GRID2: variants seen among roughly 807,000 people sequenced by gnomAD.
The protein encoded by GRID2 is glutamate ionotropic receptor delta type subunit 2.
GRID2 carries 33 observed loss-of-function variants against 114.8 expected under a neutral mutation model. The ratio of observed to expected loss-of-function variants is 0.29; its 90% CI spans 0.22 to 0.38. GRID2 has a LOEUF of 0.38. GRID2 is among the 10% of genes least tolerant of loss of function. GRID2 has a pLI of 1.00. For missense variants in GRID2, 1,184 were observed against 1,257.7 expected, an observed-to-expected ratio of 0.94 and a Z score of 0.89; for synonymous variants, 505 against 449.9, an observed-to-expected ratio of 1.12 and a Z score of -1.55.
At chr4:93,479,597 G>T (rs1003568946) in intron 11 of GRID2, among the ~76,000 whole-genome samples, 3 of 152,090 alleles carry the variant, frequency 2.0e-5, no homozygotes, top group Non-Finnish European at 4.4e-5. Flanking sequence ...ATGGGGCGGG[G>T]AACTAGCATA....
intron 12 of GRID2, among the ~76,000 whole-genome samples, chr4:93,504,292 G>A (rs942649169): frequency 4.6e-5 from 7 of 151,982 alleles, no homozygotes; most frequent in Non-Finnish European, 2.9e-5. Flanking sequence ...TTGTTAGTAG[G>A]CCATATGCAA....
chr4:92,845,049 GACA>G (rs757982936), intron 2 of GRID2, among the ~76,000 whole-genome samples: 178 of 152,146 alleles, frequency 1.2e-3, no homozygotes, highest in Non-Finnish European at 1.3e-3. Flanking sequence ...TTGCTCTAAT[GACA>G]TCAGTACAAA....
chr4:92,426,664 C>A (rs763511108), intron 1 of GRID2, among the ~76,000 whole-genome samples: 1 of 152,034 alleles, frequency 6.6e-6, no homozygotes, highest in Non-Finnish European at 1.5e-5. Flanking sequence ...AGAACAAGAG[C>A]AAATATCTTT....
intron 9 of GRID2, among the ~76,000 whole-genome samples, chr4:93,420,139 T>C (rs545522929): frequency 3.3e-5 from 5 of 152,278 alleles, no homozygotes; most frequent in African/African-American, 1.2e-4. Context: ...TGAATCCTCT[T>C]ACAATTAATT....
chr4:93,306,670 C>T (rs1186735528), intron 8 of GRID2, among the ~76,000 whole-genome samples: 1 of 152,006 alleles, frequency 6.6e-6, no homozygotes, highest in Non-Finnish European at 1.5e-5. Context: ...GGATTATTTA[C>T]TGTTATTAAA....
chr4:93,142,778 C>A (rs115360903), intron 4 of GRID2, among the ~76,000 whole-genome samples: 1 of 152,140 alleles, frequency 6.6e-6, no homozygotes, highest in Non-Finnish European at 1.5e-5. Flanking sequence ...ACTGTGGTTG[C>A]CACATGTGTA....
intron 12 of GRID2, among the ~76,000 whole-genome samples, chr4:93,504,300 C>T (rs1345690433): frequency 6.6e-6 from 1 of 151,904 alleles, no homozygotes; most frequent in African/African-American, 2.4e-5. Flanking sequence ...AGGCCATATG[C>T]AAGGTAGTGA....
intron 1 of GRID2, among the ~76,000 whole-genome samples, chr4:92,579,690 C>T (rs916864013): frequency 6.6e-6 from 1 of 151,662 alleles, no homozygotes; most frequent in African/African-American, 2.4e-5. Context: ...AGAGAGATAA[C>T]CTACAAAAAT....
At chr4:93,634,905 C>T (rs968742464) in intron 14 of GRID2, among the ~76,000 whole-genome samples, 1 of 150,950 alleles carries the variant, frequency 6.6e-6, no homozygotes, top group African/African-American at 2.4e-5. Flanking sequence ...CAACAAACAG[C>T]CCCCTCTTTT....
intron 8 of GRID2, among the ~76,000 whole-genome samples, chr4:93,384,419 C>A (rs1353566893): frequency 6.6e-6 from 1 of 152,064 alleles, no homozygotes; most frequent in Non-Finnish European, 1.5e-5. Context: ...GACATCTGAT[C>A]CTTTCTCACA....
At chr4:92,438,602 GT>G (rs1732854010) in intron 1 of GRID2, among the ~76,000 whole-genome samples, 11 of 151,902 alleles carry the variant, frequency 7.2e-5, no homozygotes, top group Admixed American at 4.6e-4. Flanking sequence ...GTGTGTGTGT[GT>G]GTGTGTTTCT....
rs376595467 is a variant in GRID2 at position 93,433,948 on chromosome 4, C to T, written c.1545+10980C>T. On this transcript the variant is annotated intron_variant, in intron 10 of 15. Coordinates refer to ENST00000282020, the MANE Select transcript of GRID2 (RefSeq NM_001510.4). ...GTAAGTCCCTTGTGTTCTTGATATT[C>T]AACCTCAAAATCCTTCCATGATTCT... is the stretch of plus-strand genomic sequence containing the variant. Among the ~76,000 whole-genome samples, 5 of 152,130 alleles carry T rather than the reference C, an allele frequency of 3.3e-5. 1 individual carries two copies. The East Asian group carries it at 7.7e-4, about 23-fold the overall frequency.
At chr4:92,658,714 CT>C (rs1732364751) in intron 2 of GRID2, among the ~76,000 whole-genome samples, 1 of 150,740 alleles carries the variant, frequency 6.6e-6, no homozygotes, top group Non-Finnish European at 1.5e-5. Context: ...AGAATGCTTA[CT>C]CATTTACACC....
At chr4:92,557,424 T>C (rs553680108) in intron 1 of GRID2, among the ~76,000 whole-genome samples, 148 of 151,432 alleles carry the variant, frequency 9.8e-4, no homozygotes, top group Non-Finnish European at 1.8e-3. Flanking sequence ...ATTAAAGACA[T>C]GGAAAATTAT....
rs1342707672 is a variant in GRID2, at chr4:92,485,326, ATATATATATATATATATATATAGT to A, written c.89-104804_89-104781del. Reference sequence around the variant, plus strand: ...CATATATATATATATATATATATATATATATATATATATATATATATAGTGTGTGTGTGTGTGTGTGTGAGTGTA... The same window carrying A: ...CATATATATATATATATATATATATAGTGTGTGTGTGTGTGTGTGAGTGTA... On this transcript the variant is annotated intron_variant, in intron 1 of 15. Coordinates refer to ENST00000282020, the MANE Select transcript of GRID2 (RefSeq NM_001510.4). Among the ~76,000 whole-genome samples, 335 of 110,250 alleles carry A rather than the reference ATATATATATATATATATATATAGT, an allele frequency of 3.0e-3. 8 individuals carry two copies. Among genetic ancestry groups the A allele is most frequent in the African/African-American group, 9.6e-3 (284 of 29,696 alleles). The allele number at this position is 110,250 out of a possible 152,430, so 72.3% of individuals were successfully genotyped here.
intron 2 of GRID2, among the ~76,000 whole-genome samples, chr4:92,988,376 C>T (rs1754640205): frequency 6.6e-6 from 1 of 152,132 alleles, no homozygotes; most frequent in Admixed American, 6.5e-5. Context: ...TAAGGCAGTT[C>T]ACTACATAGC....
intron 14 of GRID2, among the ~76,000 whole-genome samples, chr4:93,633,648 T>G (rs191895810): frequency 9.2e-5 from 14 of 152,228 alleles, no homozygotes; most frequent in Admixed American, 7.9e-4. Context: ...TCATAATTAT[T>G]TTTTCTTTCT....
intron 2 of GRID2, among the ~76,000 whole-genome samples, chr4:92,827,903 A>T (rs758600309): frequency 3.9e-5 from 6 of 152,052 alleles, no homozygotes; most frequent in Non-Finnish European, 8.8e-5. Context: ...TTTGTTTGGT[A>T]TGAATCTATA....
chr4:93,495,352 A>G (rs1468542911), intron 12 of GRID2, among the ~76,000 whole-genome samples: 1 of 151,832 alleles, frequency 6.6e-6, no homozygotes, highest in Non-Finnish European at 1.5e-5. Context: ...CATTTTGAAA[A>G]GAAAATAATT....
Sources: allele counts gnomAD v4.1 joint callset (sites outside exome capture counted in the v4.1 genomes callset), GRCh38; gene constraint gnomAD v4.1.1; transcripts MANE v1.5; gene names NCBI Gene and HGNC (gene_info 2026-07-23, HGNC 2026-07-21).